The following EXOC6 variants were observed in gnomAD, a reference collection of about 807,000 sequenced individuals.
The protein encoded by EXOC6 is SEC15-like 1.
Under a neutral mutation model 112.5 loss-of-function variants are expected in EXOC6, and 60 were observed. The ratio of observed to expected loss-of-function variants is 0.53; its 90% CI spans 0.43 to 0.66. The LOEUF is 0.66. Among genes scored for constraint, EXOC6 ranks in the 30% least tolerant of loss-of-function variants. The pLI is 0.00. For synonymous variants in EXOC6, 295 were observed against 308.0 expected, an observed-to-expected ratio of 0.96 and a Z score of 0.44; for missense variants, 855 against 957.1, an observed-to-expected ratio of 0.89 and a Z score of 1.41.
intron 1 of EXOC6, among the ~76,000 whole-genome samples, chr10:92,843,097 G>A (rs12244912): frequency 0.012 from 1,848 of 152,188 alleles, 38 homozygotes; most frequent in African/African-American, 0.043. Flanking sequence ...GGACTGGCCC[G>A]TATTTTAGAA....
intron 20 of EXOC6, among the ~76,000 whole-genome samples, chr10:93,030,365 C>CA (rs887675960): frequency 3.3e-5 from 5 of 151,868 alleles, no homozygotes; most frequent in Middle Eastern, 3.4e-3. Context: ...TGCGCCCAGC[C>CA]AAAAAAATGG....
rs188634848 is a variant in EXOC6, at chr10:92,919,443, T to C, written c.820-539T>C. ...TCATCAATTGTAAGGCATTTTTTTTTCCACATAACATTTCAGAATATAGGA... is the reference window on the plus strand; with the variant it reads ...TCATCAATTGTAAGGCATTTTTTTTCCCACATAACATTTCAGAATATAGGA... On this transcript the variant is annotated intron_variant, in intron 7 of 21. Transcript: ENST00000260762. Among the ~76,000 whole-genome samples, 450 of 152,302 alleles carry C rather than the reference T, an allele frequency of 3.0e-3. 2 individuals are homozygous for C. The highest frequency in any genetic ancestry group is 0.01 in the African/African-American group (426 of 41,574).
chr10:92,881,069 G>A (rs1449568242), intron 1 of EXOC6, among the ~76,000 whole-genome samples: 1 of 152,146 alleles, frequency 6.6e-6, no homozygotes, highest in Admixed American at 6.6e-5. Context: ...ACCTGCTGGG[G>A]CTGAAGTAAT....
upstream of EXOC6, chr10:92,834,678 A>G (rs1347473208): frequency 7.7e-7 from 1 of 1,299,306 alleles, no homozygotes; most frequent in Non-Finnish European, 1.1e-6. Context: ...TTTATAAATT[A>G]CAACAGTTTT....
At chr10:92,950,360 G>A (rs1853332940) in intron 14 of EXOC6, among the ~76,000 whole-genome samples, 1 of 152,082 alleles carries the variant, frequency 6.6e-6, no homozygotes, top group Admixed American at 6.5e-5. Flanking sequence ...AAATGTTTTT[G>A]TAGATAGCTA....
chr10:92,840,167 A>C (rs1252470943), intron 1 of EXOC6, among the ~76,000 whole-genome samples: 1 of 151,968 alleles, frequency 6.6e-6, no homozygotes, highest in Non-Finnish European at 1.5e-5. Flanking sequence ...AAAATCTTAG[A>C]ATGACATACT....
At chr10:92,936,350 A>C (rs1448203629) in intron 12 of EXOC6, among the ~76,000 whole-genome samples, 4 of 152,234 alleles carry the variant, frequency 2.6e-5, no homozygotes, top group African/African-American at 9.6e-5. Flanking sequence ...TACTAATTTC[A>C]GAATTGTTTT....
chr10:92,859,107 T>G (rs928457568), intron 1 of EXOC6, among the ~76,000 whole-genome samples: 2 of 152,150 alleles, frequency 1.3e-5, no homozygotes, highest in Admixed American at 1.3e-4. Flanking sequence ...GTCTTCTGTT[T>G]CCTTATATGC....
intron 17 of EXOC6, among the ~76,000 whole-genome samples, chr10:92,972,580 A>G (rs1842344434): frequency 6.6e-6 from 1 of 152,098 alleles, no homozygotes; most frequent in Admixed American, 6.5e-5. Context: ...ACTGGTGGGT[A>G]TGTGATATAG....
chr10:92,884,508 A>G (rs746199726), intron 1 of EXOC6, among the ~76,000 whole-genome samples: 13 of 152,324 alleles, frequency 8.5e-5, no homozygotes, highest in Admixed American at 3.3e-4. Context: ...TGCAACCAGT[A>G]TATGTATTCT....
intron 17 of EXOC6, among the ~76,000 whole-genome samples, chr10:92,969,686 T>C (rs5787027): frequency 2.0e-5 from 1 of 50,082 alleles, no homozygotes; most frequent in Non-Finnish European, 3.8e-5. Flanking sequence ...ATTTTCTTTC[T>C]TTTATTTTTA....
At chr10:93,029,786 C>T (rs190810601) in intron 20 of EXOC6, among the ~76,000 whole-genome samples, 1 of 152,220 alleles carries the variant, frequency 6.6e-6, no homozygotes, top group East Asian at 1.9e-4. Flanking sequence ...ATAATCCATC[C>T]AAAGTTGATT....
At chr10:92,918,221 T>A (rs894365067) in intron 7 of EXOC6, among the ~76,000 whole-genome samples, 1 of 152,182 alleles carries the variant, frequency 6.6e-6, no homozygotes, top group Non-Finnish European at 1.5e-5. Context: ...AATTTTTTTT[T>A]AAATTTAGCT....
intron 1 of EXOC6, among the ~76,000 whole-genome samples, chr10:92,836,524 G>A (rs1268466414): frequency 1.3e-5 from 2 of 152,140 alleles, no homozygotes; most frequent in East Asian, 1.9e-4. Context: ...TTAGGTTAAT[G>A]TTTGGGTATA....
chr10:92,871,177 T>G (rs911104120), intron 1 of EXOC6, among the ~76,000 whole-genome samples: 14 of 152,176 alleles, frequency 9.2e-5, no homozygotes, highest in African/African-American at 3.4e-4. Context: ...TTTGAAAAAT[T>G]ATCATTTCTT....
At chr10:92,949,348 C>G (rs1021357073) in intron 14 of EXOC6, among the ~76,000 whole-genome samples, 1 of 152,174 alleles carries the variant, frequency 6.6e-6, no homozygotes, top group African/African-American at 2.4e-5. Context: ...TAGATTGTAG[C>G]TAATGCCGCC....
chr10:92,832,116 A>G (rs1846504197), upstream of EXOC6, among the ~76,000 whole-genome samples: 15 of 152,278 alleles, frequency 9.9e-5, 2 homozygotes, highest in South Asian at 3.1e-3. Flanking sequence ...TCATGTATTT[A>G]TGTATTTTCA....
intron 18 of EXOC6, among the ~76,000 whole-genome samples, chr10:92,976,344 C>T (rs1392566255): frequency 6.6e-6 from 1 of 152,160 alleles, no homozygotes; most frequent in Admixed American, 6.5e-5. Context: ...AATACTTATC[C>T]TGTTGATCTG....
At chr10:92,994,773 TAATA>T (rs1843409782) in intron 18 of EXOC6, among the ~76,000 whole-genome samples, 1 of 151,832 alleles carries the variant, frequency 6.6e-6, no homozygotes, top group South Asian at 2.1e-4. Flanking sequence ...TCAATAATAA[TAATA>T]ATAATAATAG....
Sources: allele counts gnomAD v4.1 joint callset (sites outside exome capture counted in the v4.1 genomes callset), GRCh38; gene constraint gnomAD v4.1.1; transcripts MANE v1.5; gene names NCBI Gene and HGNC (gene_info 2026-07-23, HGNC 2026-07-21).